CFDP1: variants seen among roughly 807,000 people sequenced by gnomAD.
CFDP1 encodes the protein chromatin remodeling protein CFDP1.
Under a neutral mutation model 40.1 loss-of-function variants are expected in CFDP1, and 31 were observed. The ratio of observed to expected loss-of-function variants is 0.77; its 90% confidence interval spans 0.58 to 1.04. The LOEUF (loss-of-function observed/expected upper bound fraction) is 1.04. Ranked by LOEUF, CFDP1 falls within the 50% of genes least tolerant of loss-of-function variation. The pLI is 0.00. For synonymous variants in CFDP1, 167 were observed against 120.0 expected (o/e 1.39, Z -2.56); for missense variants, 423 against 343.4 (o/e 1.23, Z -1.83).
At chr16:75,427,383 T>C (rs957568962) in intron 1 of CFDP1, among the ~76,000 whole-genome samples, 1 of 152,030 alleles carries the variant, frequency 6.6e-6, no homozygotes, top group African/African-American at 2.4e-5. Context: ...CCCAAGTAGC[T>C]GGGACTACAG....
rs891835446 is a variant in CFDP1 at position 75,370,492 on chromosome 16, C to A, written c.650+24598G>T. Among the ~76,000 whole-genome samples, 5 of 152,128 alleles carry A rather than the reference C, an allele frequency of 3.3e-5. No individual in the cohort carries two copies. In the East Asian group the frequency reaches 7.7e-4, roughly 23 times the overall value. The stretch of plus-strand genomic sequence containing the variant: ...TGATGGGTGCAGCACACCAACATGG[C>A]ACATGTATACATATGTAACAAACCT... On this transcript the variant is annotated intron_variant, in intron 5 of 6. Coordinates refer to ENST00000283882, the MANE Select transcript of CFDP1 (RefSeq NM_006324.3).
intron 5 of CFDP1, among the ~76,000 whole-genome samples, chr16:75,327,095 T>C (rs2078407476): frequency 6.6e-6 from 1 of 152,052 alleles, no homozygotes; most frequent in Non-Finnish European, 1.5e-5. Context: ...GGTGAAACCC[T>C]GTCTCTACTA....
chr16:75,329,545 T>C (rs1567647346), intron 5 of CFDP1, among the ~76,000 whole-genome samples: 3 of 152,142 alleles, frequency 2.0e-5, no homozygotes, highest in African/African-American at 7.2e-5. Flanking sequence ...CAGGCTGGAG[T>C]GCAGTGGCAT....
chr16:75,313,971 G>A (rs1432021594), intron 5 of CFDP1, among the ~76,000 whole-genome samples: 37 of 152,030 alleles, frequency 2.4e-4, no homozygotes, highest in Admixed American at 2.4e-3. Context: ...CGCAACCTCC[G>A]CCGCCGGGGT....
chr16:75,327,346 A>T (rs1000123119), intron 5 of CFDP1, among the ~76,000 whole-genome samples: 3 of 152,116 alleles, frequency 2.0e-5, no homozygotes, highest in African/African-American at 7.2e-5. Context: ...CACAAAGAGG[A>T]AGAAAAGGCA....
chr16:75,322,090 C>T (rs552094535), intron 5 of CFDP1, among the ~76,000 whole-genome samples: 1 of 152,358 alleles, frequency 6.6e-6, no homozygotes, highest in South Asian at 2.1e-4. Flanking sequence ...TCCCAAAGTG[C>T]TGGGGTTACA....
At chr16:75,330,703 A>G (rs2078439698) in intron 5 of CFDP1, among the ~76,000 whole-genome samples, 1 of 152,198 alleles carries the variant, frequency 6.6e-6, no homozygotes, top group African/African-American at 2.4e-5. Flanking sequence ...AGGAAAAAAC[A>G]CTCAATTTAT....
chr16:75,420,890 A>G (rs1031232864), intron 1 of CFDP1, among the ~76,000 whole-genome samples: 1 of 152,156 alleles, frequency 6.6e-6, no homozygotes, highest in African/African-American at 2.4e-5. Flanking sequence ...TGCATTTTCT[A>G]ATTTTCTATA....
chr16:75,320,741 G>A (rs1203134032), intron 5 of CFDP1, among the ~76,000 whole-genome samples: 1 of 152,200 alleles, frequency 6.6e-6, no homozygotes, highest in Non-Finnish European at 1.5e-5. Context: ...TTCAGATGAA[G>A]GAAAGGGGCT....
chr16:75,383,805 G>A (rs527999726), intron 5 of CFDP1, among the ~76,000 whole-genome samples: 16 of 132,830 alleles, frequency 1.2e-4, no homozygotes, highest in African/African-American at 3.9e-4. Context: ...GCAAAAGAGC[G>A]AGACTCCGTC....
chr16:75,307,845 C>A (rs1159964234), intron 5 of CFDP1, among the ~76,000 whole-genome samples: 1 of 152,214 alleles, frequency 6.6e-6, no homozygotes, highest in African/African-American at 2.4e-5. Context: ...TAGGCACAAG[C>A]CACCATATTA....
At chr16:75,376,268 T>G (rs897476436) in intron 5 of CFDP1, among the ~76,000 whole-genome samples, 1 of 152,140 alleles carries the variant, frequency 6.6e-6, no homozygotes, top group Non-Finnish European at 1.5e-5. Flanking sequence ...CTCCATGACC[T>G]AGCAATTCCA....
intron 5 of CFDP1, among the ~76,000 whole-genome samples, chr16:75,350,033 T>G (rs1340214759): frequency 1.3e-5 from 2 of 152,096 alleles, no homozygotes; most frequent in Non-Finnish European, 2.9e-5. Flanking sequence ...GGATGTCCTT[T>G]ATCAGATTGA....
chr16:75,328,780 G>A (rs985456275), intron 5 of CFDP1, among the ~76,000 whole-genome samples: 11 of 149,716 alleles, frequency 7.3e-5, no homozygotes, highest in Admixed American at 7.3e-4. Flanking sequence ...CTGGGTTCAA[G>A]CAATTCTCCT....
chr16:75,395,182 A>G lies in CFDP1; in HGVS notation c.558T>C (p.Ser186=). The G allele has an allele frequency of 6.2e-7, 1 of 1,613,774 alleles. No individual in the cohort carries two copies. ...VRVTKEVDAT[S]KEAKSFFKQN... ...GCTTGAAGAAGGATTTGGCCTCTTT[A>G]GATGTAGCATCCACTTCCTTAGTTA... is the stretch of plus-strand genomic sequence containing the variant. Residue 186 remains serine, a synonymous_variant, in exon 5 of 7, where the codon TCT becomes TCC. Coordinates refer to ENST00000283882, the MANE Select transcript of CFDP1 (RefSeq NM_006324.3).
chr16:75,337,324 G>A (rs953640605), intron 5 of CFDP1, among the ~76,000 whole-genome samples: 1 of 152,188 alleles, frequency 6.6e-6, no homozygotes, highest in African/African-American at 2.4e-5. Context: ...CATGGGTACT[G>A]GCACTGGAAG....
At chr16:75,303,193 C>G (rs1431531651) in intron 6 of CFDP1, among the ~76,000 whole-genome samples, 1 of 149,818 alleles carries the variant, frequency 6.7e-6, no homozygotes, top group African/African-American at 2.5e-5. Context: ...TGGTGAAACC[C>G]CGTCTCTACT....
At chr16:75,408,902 G>A (rs970624239) in intron 4 of CFDP1, among the ~76,000 whole-genome samples, 1 of 151,966 alleles carries the variant, frequency 6.6e-6, no homozygotes, top group African/African-American at 2.4e-5. Flanking sequence ...CTGTTGCCCA[G>A]GCTGGAGTGC....
chr16:75,428,696 G>A, intron 1 of CFDP1, among the ~76,000 whole-genome samples: 1 of 149,940 alleles, frequency 6.7e-6, no homozygotes, highest in Admixed American at 6.7e-5. Context: ...GAAAGGAAAA[G>A]AAAGAGTGAG....
Sources: allele counts gnomAD v4.1 joint callset (sites outside exome capture counted in the v4.1 genomes callset), GRCh38; gene constraint gnomAD v4.1.1; transcripts MANE v1.5; gene names NCBI Gene and HGNC (gene_info 2026-07-23, HGNC 2026-07-21).